Variants in ATP8A2 observed in about 807,000 individuals in gnomAD.
The protein encoded by ATP8A2 is ATPase phospholipid transporting 8A2.
ATP8A2 carries 100 observed loss-of-function variants against 165.6 expected under a neutral mutation model. The ratio of observed to expected loss-of-function variants is 0.60; its 90% CI spans 0.51 to 0.71. The LOEUF is 0.71. Among genes scored for constraint, ATP8A2 ranks in the 30% least tolerant of loss-of-function variants. The probability of loss-of-function intolerance (pLI) is 0.00; values close to 1 mark genes in which losing one functional copy is unlikely to be tolerated. For synonymous variants in ATP8A2, 543 were observed against 548.8 expected (o/e 0.99, Z 0.15); for missense variants, 1,227 against 1,479.5 (o/e 0.83, Z 2.80).
chr13:25,577,005 T>A (rs976863398), intron 19 of ATP8A2, 64 bp from the exon 20 acceptor site: 12 of 1,328,536 alleles, frequency 9.0e-6, no homozygotes, highest in African/African-American at 1.5e-5. Flanking sequence ...TGATTGGTGT[T>A]CAGCTGTGGG....
rs1000610945 is a variant in ATP8A2, at chr13:25,957,047, T to C, written c.3184-4528T>C. On this transcript the variant is annotated intron_variant, in intron 33 of 36. Coordinates refer to ENST00000381655, the MANE Select transcript of ATP8A2 (RefSeq NM_016529.6). ...AGGAGTCCCTATTTAATAAATGGTG[T>C]TGGGAAAACTGGCTAGCCATATGCA... is the stretch of plus-strand genomic sequence containing the variant. Among the ~76,000 whole-genome samples, 14 of 152,152 alleles carry C rather than the reference T, an allele frequency of 9.2e-5. No homozygotes were observed. The South Asian group carries it at 1.9e-3, about 20-fold the overall frequency.
At chr13:25,763,608 A>G (rs1444415320) in intron 25 of ATP8A2, among the ~76,000 whole-genome samples, 3 of 152,036 alleles carry the variant, frequency 2.0e-5, no homozygotes, top group African/African-American at 7.2e-5. Flanking sequence ...CCAACCCCAA[A>G]TTCTATATCT....
At chr13:25,685,714 A>G (rs372753724) in intron 24 of ATP8A2, among the ~76,000 whole-genome samples, 2 of 152,180 alleles carry the variant, frequency 1.3e-5, no homozygotes, top group South Asian at 2.1e-4. Flanking sequence ...GGGCTCTGGC[A>G]CCAGAGGAGG....
At chr13:25,691,058 T>C (rs780235666) in intron 24 of ATP8A2, among the ~76,000 whole-genome samples, 6 of 152,308 alleles carry the variant, frequency 3.9e-5, no homozygotes, top group Non-Finnish European at 8.8e-5. Flanking sequence ...ATTAGATGAA[T>C]CTGAAAGCAT....
intron 2 of ATP8A2, among the ~76,000 whole-genome samples, chr13:25,518,800 T>A (rs912070896): frequency 6.6e-6 from 1 of 152,200 alleles, no homozygotes; most frequent in Non-Finnish European, 1.5e-5. Flanking sequence ...TCTAATGGAT[T>A]GTTTCTGTAT....
At chr13:25,545,150 G>A (rs2138015683) in intron 10 of ATP8A2, among the ~76,000 whole-genome samples, 1 of 151,992 alleles carries the variant, frequency 6.6e-6, no homozygotes, top group Non-Finnish European at 1.5e-5. Flanking sequence ...AAGGGTAGGG[G>A]CCCAGGTGCA....
chr13:25,714,656 A>G (rs2043218563), intron 25 of ATP8A2, among the ~76,000 whole-genome samples: 1 of 152,176 alleles, frequency 6.6e-6, no homozygotes, highest in Non-Finnish European at 1.5e-5. Context: ...TAGGCTAACC[A>G]AACCTTCACT....
chr13:25,756,449 T>G (rs1466502736), intron 25 of ATP8A2, among the ~76,000 whole-genome samples: 1 of 152,068 alleles, frequency 6.6e-6, no homozygotes, highest in African/African-American at 2.4e-5. Flanking sequence ...GGTACCTGTG[T>G]TCTGTCTCCC....
chr13:25,558,872 G>C (rs369468776), intron 13 of ATP8A2, 101 bp from the exon 14 acceptor site: 7 of 758,130 alleles, frequency 9.2e-6, no homozygotes, highest in Middle Eastern at 3.2e-4. Flanking sequence ...AAATCTACCC[G>C]TTTCATACAG....
At chr13:25,613,023 T>C (rs921619550) in intron 24 of ATP8A2, among the ~76,000 whole-genome samples, 1 of 152,154 alleles carries the variant, frequency 6.6e-6, no homozygotes, top group Non-Finnish European at 1.5e-5. Context: ...CCTTGCATGT[T>C]AGGGGAGTCT....
intron 28 of ATP8A2, among the ~76,000 whole-genome samples, chr13:25,832,593 A>C (rs1951508059): frequency 1.3e-5 from 2 of 152,224 alleles, no homozygotes; most frequent in African/African-American, 4.8e-5. Context: ...GAAAATAAGA[A>C]AAACATGATC....
intron 33 of ATP8A2, chr13:25,868,171 G>A (rs1264583859): frequency 2.2e-6 from 1 of 455,848 alleles, no homozygotes; most frequent in South Asian, 1.6e-5. Context: ...ACAAGCTTAG[G>A]ACTTTAGCAT....
At chr13:25,479,717 A>G (rs1318690597) in intron 2 of ATP8A2, among the ~76,000 whole-genome samples, 1 of 152,060 alleles carries the variant, frequency 6.6e-6, no homozygotes, top group Admixed American at 6.6e-5. Flanking sequence ...GCCTTCAAGC[A>G]TCTGTTTAAC....
At chr13:25,701,693 G>GTTCTT (rs2042954376) in intron 25 of ATP8A2, among the ~76,000 whole-genome samples, 1 of 149,558 alleles carries the variant, frequency 6.7e-6, no homozygotes, top group Middle Eastern at 3.2e-3. Flanking sequence ...ACAGGAACAT[G>GTTCTT]TTCTTTTCTT....
chr13:25,373,346 G>A (rs2032495100), intron 1 of ATP8A2, among the ~76,000 whole-genome samples: 1 of 151,600 alleles, frequency 6.6e-6, no homozygotes, highest in African/African-American at 2.4e-5. Context: ...AGCTTATCAG[G>A]TAATTTAAGC....
chr13:25,701,116 C>A (rs570106140), intron 25 of ATP8A2, among the ~76,000 whole-genome samples: 7 of 152,240 alleles, frequency 4.6e-5, no homozygotes, highest in African/African-American at 1.2e-4. Flanking sequence ...AGATGATTTG[C>A]AGTTTTTCCC....
chr13:25,695,132 CTT>C (rs11372481), intron 24 of ATP8A2, among the ~76,000 whole-genome samples: 6 of 146,404 alleles, frequency 4.1e-5, no homozygotes, highest in African/African-American at 5.0e-5. Flanking sequence ...GTCACACTAT[CTT>C]TTTTTTTTTT....
At chr13:25,411,118 A>G (rs1047649904) in intron 1 of ATP8A2, among the ~76,000 whole-genome samples, 5 of 152,182 alleles carry the variant, frequency 3.3e-5, no homozygotes, top group Non-Finnish European at 5.9e-5. Context: ...TGGTTTATTT[A>G]TAATGTTGTC....
chr13:25,899,896 T>C (rs1953682796), intron 33 of ATP8A2, among the ~76,000 whole-genome samples: 1 of 151,990 alleles, frequency 6.6e-6, no homozygotes, highest in South Asian at 2.1e-4. Context: ...AAATAGGTGG[T>C]ACAGGGGAAA....
Sources: allele counts gnomAD v4.1 joint callset (sites outside exome capture counted in the v4.1 genomes callset), GRCh38; gene constraint gnomAD v4.1.1; transcripts MANE v1.5; gene names NCBI Gene and HGNC (gene_info 2026-07-23, HGNC 2026-07-21).